METTL16: variants seen among roughly 807,000 people sequenced by gnomAD.
The protein encoded by METTL16 is methyltransferase 16, RNA N6-adenosine, also known as RNA N(6)-adenosine-methyltransferase METTL16.
Under a neutral mutation model 57.9 loss-of-function variants are expected in METTL16, and 19 were observed. The ratio of observed to expected loss-of-function variants is 0.33; its 90% confidence interval spans 0.23 to 0.48. METTL16 has a LOEUF of 0.48. Ranked by LOEUF, METTL16 falls within the 20% of genes least tolerant of loss-of-function variation. METTL16 has a pLI of 0.99. For synonymous variants in METTL16, 246 were observed against 255.6 expected (o/e 0.96, Z 0.36); for missense variants, 434 against 691.5 (o/e 0.63, Z 4.18).
At chr17:2,421,850 G>A (rs573301154) in intron 8 of METTL16, among the ~76,000 whole-genome samples, 82 of 152,266 alleles carry the variant, frequency 5.4e-4, no homozygotes, top group African/African-American at 1.9e-3. Flanking sequence ...AGCCGGCGGC[G>A]AGCTAAGCAC....
chr17:2,505,413 T>A (rs2067524255), intron 1 of METTL16, among the ~76,000 whole-genome samples: 1 of 130,468 alleles, frequency 7.7e-6, no homozygotes. Context: ...TTTTTTTTTT[T>A]TTTTTTTTTT....
rs572892702 is a variant in METTL16, at chr17:2,416,438, T to C, written c.*3532A>G. 8 of 152,298 alleles carry C rather than the reference T, an allele frequency of 5.3e-5. 1 individual carries two copies. The East Asian group carries it at 1.5e-3, about 29-fold the overall frequency. 9.4% of individuals were successfully genotyped at this position (152,298 alleles called of 1,614,324 possible). On this transcript the variant is annotated 3_prime_UTR_variant, in exon 10 of 10. Coordinates refer to ENST00000263092, the MANE Select transcript of METTL16 (RefSeq NM_024086.4). ...TTTGATTTCCATCGAGAGGAAAGGC[T>C]TTATGTTTTATAAAAAATATATACT...
At chr17:2,491,487 T>C (rs192299602) in intron 2 of METTL16, among the ~76,000 whole-genome samples, 2 of 152,204 alleles carry the variant, frequency 1.3e-5, no homozygotes, top group East Asian at 3.9e-4. Flanking sequence ...TACTCCAAGG[T>C]TGGTTTCTAG....
chr17:2,449,271 C>T (rs766021194), intron 6 of METTL16, among the ~76,000 whole-genome samples: 4 of 152,250 alleles, frequency 2.6e-5, no homozygotes, highest in African/African-American at 4.8e-5. Context: ...TTCTTTCCAA[C>T]TTGACCTATA....
intron 2 of METTL16, among the ~76,000 whole-genome samples, chr17:2,482,125 T>C (rs2067311724): frequency 6.6e-6 from 1 of 152,228 alleles, no homozygotes; most frequent in Non-Finnish European, 1.5e-5. Context: ...TTTCACGAGC[T>C]CTTTGTGAAG....
At chr17:2,434,153 A>G (rs1015003310) in intron 8 of METTL16, among the ~76,000 whole-genome samples, 2 of 152,246 alleles carry the variant, frequency 1.3e-5, no homozygotes, top group East Asian at 1.9e-4. Flanking sequence ...ATCTTGTAGC[A>G]TAATGCACAG....
chr17:2,503,527 G>A (rs1264808292), intron 1 of METTL16, among the ~76,000 whole-genome samples: 2 of 151,618 alleles, frequency 1.3e-5, no homozygotes, highest in Non-Finnish European at 2.9e-5. Context: ...ACAAAATACA[G>A]TATATCCATA....
intron 8 of METTL16, among the ~76,000 whole-genome samples, chr17:2,427,670 T>C (rs574282855): frequency 1.3e-5 from 2 of 152,046 alleles, no homozygotes; most frequent in African/African-American, 4.8e-5. Context: ...CTCAAACACC[T>C]GAGCTCAAGT....
chr17:2,448,759 AAAAAAAT>A (rs2067038886), intron 6 of METTL16, among the ~76,000 whole-genome samples: 1 of 121,018 alleles, frequency 8.3e-6, no homozygotes, highest in Non-Finnish European at 1.7e-5. Context: ...AAATAAAATA[AAAAAAAT>A]AAAAAATAAA....
chr17:2,508,725 C>T (rs1567910184), intron 1 of METTL16, among the ~76,000 whole-genome samples: 1 of 152,148 alleles, frequency 6.6e-6, no homozygotes, highest in Non-Finnish European at 1.5e-5. Flanking sequence ...AAGCCACTCC[C>T]CCCATGCAAA....
intron 6 of METTL16, among the ~76,000 whole-genome samples, chr17:2,456,827 T>C (rs1401629298): frequency 7.2e-5 from 11 of 152,138 alleles, no homozygotes; most frequent in Non-Finnish European, 8.8e-5. Context: ...TTCACTCTGT[T>C]GCCCAGGCTG....
At chr17:2,472,271 T>G (rs892806629) in intron 4 of METTL16, among the ~76,000 whole-genome samples, 1 of 151,932 alleles carries the variant, frequency 6.6e-6, no homozygotes, top group Non-Finnish European at 1.5e-5. Context: ...ACGGCCAAAA[T>G]CCAGAACACC....
intron 6 of METTL16, among the ~76,000 whole-genome samples, chr17:2,445,086 G>A (rs1292542222): frequency 3.3e-5 from 5 of 152,076 alleles, no homozygotes; most frequent in East Asian, 1.9e-4. Context: ...TCCTAACCTC[G>A]TGATCCACCC....
chr17:2,437,669 A>T (rs1163241909), intron 8 of METTL16, among the ~76,000 whole-genome samples: 1 of 152,170 alleles, frequency 6.6e-6, no homozygotes, highest in Non-Finnish European at 1.5e-5. Context: ...CTCGTGCCTC[A>T]GCCTCCCGAG....
intron 2 of METTL16, among the ~76,000 whole-genome samples, chr17:2,484,646 C>G (rs947842456): frequency 6.6e-6 from 1 of 152,138 alleles, no homozygotes; most frequent in Middle Eastern, 3.2e-3. Context: ...AGACATGTAC[C>G]ACCATGCCCG....
Position 2,467,766 on chromosome 17 carries a change from C to T in METTL16, c.580G>A (p.Ala194Thr). ...NPPFFANQLE[A>T]KGVNSRNPRR... is the part of the protein sequence containing the mutation. ...TAAAGCAGAAGACATTTTACCTTGGCTTCCAATTGATTGGCAAAAAAGGGA... is the reference window on the plus strand; with the variant it reads ...TAAAGCAGAAGACATTTTACCTTGGTTTCCAATTGATTGGCAAAAAAGGGA... Residue 194 changes from alanine to threonine, a missense_variant, in exon 5 of 10, where the codon GCC becomes ACC. By Grantham distance (58) the Ala-to-Thr change is moderately conservative. Around this residue, in one of 5 missense-constraint regions of METTL16, gnomAD observed 118 missense variants for 280.0 expected, o/e 0.42. Transcript: ENST00000263092. 6.2e-7 allele frequency: 1 copy of T among 1,612,380 alleles called. No individual in the cohort carries two copies.
intron 8 of METTL16, chr17:2,424,206 C>G (rs1344609872): frequency 6.7e-6 from 1 of 149,956 alleles, no homozygotes; most frequent in Non-Finnish European, 1.5e-5. Flanking sequence ...CTCCGCCTCC[C>G]GGGTTCACGC....
chr17:2,429,924 T>C (rs1482418804), intron 8 of METTL16, among the ~76,000 whole-genome samples: 1 of 151,448 alleles, frequency 6.6e-6, no homozygotes, highest in Non-Finnish European at 1.5e-5. Context: ...GATTCTCCTG[T>C]CTCAGCCTCC....
At chr17:2,478,439 A>G (rs975644325) in intron 2 of METTL16, among the ~76,000 whole-genome samples, 2 of 152,258 alleles carry the variant, frequency 1.3e-5, no homozygotes, top group Non-Finnish European at 2.9e-5. Context: ...ATACTTAAAT[A>G]TGACAAATAT....
Sources: allele counts gnomAD v4.1 joint callset (sites outside exome capture counted in the v4.1 genomes callset), GRCh38; gene constraint gnomAD v4.1.1; regional missense constraint gnomAD v4.1.1; transcripts MANE v1.5; gene names NCBI Gene and HGNC (gene_info 2026-07-23, HGNC 2026-07-21).